The following ODAD2 variants were observed in gnomAD, a reference collection of about 807,000 sequenced individuals.
ODAD2 encodes outer dynein arm-docking complex subunit 2.
A neutral mutation model predicts 106.8 loss-of-function variants in ODAD2; 89 were observed. That is an observed-to-expected ratio of 0.83 (90% CI 0.70 to 0.99). The LOEUF is 0.99. ODAD2 is among the 50% of genes least tolerant of loss of function. The pLI, the probability that ODAD2 is intolerant of heterozygous loss-of-function variation, is 0.00. For synonymous variants in ODAD2, 404 were observed against 436.2 expected (o/e 0.93, Z 0.92); for missense variants, 1,168 against 1,238.5 (o/e 0.94, Z 0.85).
intron 17 of ODAD2, among the ~76,000 whole-genome samples, chr10:27,881,630 C>G (rs1196588788): frequency 6.6e-6 from 1 of 151,682 alleles, no homozygotes; most frequent in Non-Finnish European, 1.5e-5. Context: ...GAGCAAAATC[C>G]CGTCTCAAAA....
At chr10:27,934,212 C>A (rs559936708) in intron 16 of ODAD2, among the ~76,000 whole-genome samples, 1 of 152,126 alleles carries the variant, frequency 6.6e-6, no homozygotes, top group South Asian at 2.1e-4. Context: ...AAACCTCTTT[C>A]CTTTATAATT....
intron 7 of ODAD2, among the ~76,000 whole-genome samples, chr10:27,973,227 A>ACATACATACATG: frequency 6.6e-6 from 1 of 151,882 alleles, no homozygotes; most frequent in African/African-American, 2.4e-5. Context: ...ATACATACAT[A>ACATACATACATG]CATACATACA....
intron 17 of ODAD2, among the ~76,000 whole-genome samples, chr10:27,890,803 T>C (rs930668252): frequency 4.1e-4 from 62 of 151,990 alleles, no homozygotes; most frequent in African/African-American, 1.4e-3. Flanking sequence ...TATCATTCGT[T>C]ACTCTAATCT....
chr10:27,864,162 G>T (rs1330387748), intron 17 of ODAD2, among the ~76,000 whole-genome samples: 1 of 151,770 alleles, frequency 6.6e-6, no homozygotes, highest in Admixed American at 6.6e-5. Context: ...GGTGGTCTAT[G>T]CCTGGAGAGA....
At chr10:27,956,558 T>G (rs528439175) in intron 10 of ODAD2, among the ~76,000 whole-genome samples, 1 of 152,276 alleles carries the variant, frequency 6.6e-6, no homozygotes, top group African/African-American at 2.4e-5. Context: ...TAGTGACAGC[T>G]CTAGGAAATA....
intron 12 of ODAD2, among the ~76,000 whole-genome samples, chr10:27,941,761 G>A (rs565564110): frequency 6.6e-6 from 1 of 152,210 alleles, no homozygotes; most frequent in South Asian, 2.1e-4. Context: ...CAGGCTCACT[G>A]TCTCTATCTG....
At chr10:27,894,766 A>G (rs533231294) in intron 17 of ODAD2, among the ~76,000 whole-genome samples, 4 of 151,210 alleles carry the variant, frequency 2.6e-5, no homozygotes, top group East Asian at 1.9e-4. Context: ...GAGTCTCCCT[A>G]TGCTCCCCCA....
chr10:27,884,810 T>C (rs1271242682), intron 17 of ODAD2, among the ~76,000 whole-genome samples: 2 of 152,106 alleles, frequency 1.3e-5, no homozygotes, highest in African/African-American at 4.8e-5. Flanking sequence ...AACAGCCATG[T>C]ATATGGGGGA....
At chr10:27,893,978 T>C (rs1212800994) in intron 17 of ODAD2, among the ~76,000 whole-genome samples, 4 of 151,696 alleles carry the variant, frequency 2.6e-5, no homozygotes, top group African/African-American at 9.7e-5. Flanking sequence ...AGCAAGACCC[T>C]ATCTTGATCT....
chr10:27,896,703 C>CT (rs1357887476), intron 17 of ODAD2, among the ~76,000 whole-genome samples: 12 of 152,064 alleles, frequency 7.9e-5, no homozygotes, highest in African/African-American at 2.9e-4. Flanking sequence ...CCAGGCCTGT[C>CT]TTTTTTTCTC....
chr10:27,952,228 T>C (rs556166840), intron 10 of ODAD2, among the ~76,000 whole-genome samples: 2 of 151,928 alleles, frequency 1.3e-5, no homozygotes, highest in East Asian at 1.9e-4. Context: ...ATTTGACATA[T>C]AAAAAAATTG....
intron 7 of ODAD2, among the ~76,000 whole-genome samples, chr10:27,978,119 A>G (rs1849311915): frequency 6.6e-6 from 1 of 152,242 alleles, no homozygotes; most frequent in Non-Finnish European, 1.5e-5. Flanking sequence ...ATCCATTAAC[A>G]GGTGAGTGGA....
chr10:27,935,832 ATATG>A (rs1845935086), intron 15 of ODAD2, among the ~76,000 whole-genome samples: 2 of 151,984 alleles, frequency 1.3e-5, no homozygotes, highest in Non-Finnish European at 2.9e-5. Context: ...ATACACACAC[ATATG>A]TATGCATATA....
intron 10 of ODAD2, among the ~76,000 whole-genome samples, chr10:27,947,945 T>A (rs1274159858): frequency 1.3e-5 from 2 of 152,208 alleles, no homozygotes; most frequent in African/African-American, 4.8e-5. Flanking sequence ...CTCAGCACAA[T>A]CTTTGTTTCC....
At chr10:27,926,359 T>C (rs1232489782) in intron 16 of ODAD2, among the ~76,000 whole-genome samples, 1 of 151,606 alleles carries the variant, frequency 6.6e-6, no homozygotes, top group African/African-American at 2.4e-5. Flanking sequence ...ACGGAGCTCA[T>C]TAAAAACAGC....
intron 16 of ODAD2, among the ~76,000 whole-genome samples, chr10:27,920,770 A>G (rs1192637497): frequency 6.6e-6 from 1 of 152,192 alleles, no homozygotes. Flanking sequence ...GGGCAGCCAC[A>G]GAGAGATTAA....
At chr10:27,848,797 G>A (rs903123941) in intron 19 of ODAD2, among the ~76,000 whole-genome samples, 4 of 152,096 alleles carry the variant, frequency 2.6e-5, no homozygotes, top group South Asian at 2.1e-4. Flanking sequence ...AGACACACGA[G>A]AAAATGCTCA....
At chr10:27,980,642 G>A (rs766846723) in intron 7 of ODAD2, among the ~76,000 whole-genome samples, 3 of 152,086 alleles carry the variant, frequency 2.0e-5, no homozygotes, top group Admixed American at 6.5e-5. Flanking sequence ...CACTGACTAC[G>A]ATGTTTATAA....
Position 27,952,500 on chromosome 10 carries a change from C to T in ODAD2, c.1387-7538G>A, listed in dbSNP as rs146816821. On this transcript the variant is annotated intron_variant, in intron 10 of 19. Coordinates refer to ENST00000305242, the MANE Select transcript of ODAD2 (RefSeq NM_018076.5). ...TTTGCTGCACCTATCAACCCATCAC[C>T]TAGATTTTCAGCCCCACATGCACTG... Among the ~76,000 whole-genome samples the T allele has an allele frequency of 2.2e-3, 342 of 152,090 alleles. 1 individual carries two copies. The highest frequency in any genetic ancestry group is 9.7e-3 in the South Asian group (47 of 4,824).
Sources: allele counts gnomAD v4.1 joint callset (sites outside exome capture counted in the v4.1 genomes callset), GRCh38; gene constraint gnomAD v4.1.1; transcripts MANE v1.5; gene names NCBI Gene and HGNC (gene_info 2026-07-23, HGNC 2026-07-21).